Variants in TM4SF4 observed in about 807,000 individuals in gnomAD.
TM4SF4 encodes the protein transmembrane 4 L6 family member 4.
In TM4SF4, 24 loss-of-function variants were observed where a neutral mutation model predicts 24.1. The ratio of observed to expected loss-of-function variants is 1.00; its 90% CI spans 0.72 to 1.40. The LOEUF (loss-of-function observed/expected upper bound fraction) is 1.40, where lower values mean the gene tolerates loss of function less well. TM4SF4 is among the 40% of genes most tolerant of loss of function. TM4SF4 has a pLI of 0.00. For missense variants in TM4SF4, 254 were observed against 254.2 expected (o/e 1.00, Z 0.01); for synonymous variants, 113 against 97.0 (o/e 1.17, Z -0.97).
At chr3:149,478,202 A>G (rs1733969627) in intron 2 of TM4SF4, among the ~76,000 whole-genome samples, 1 of 152,210 alleles carries the variant, frequency 6.6e-6, no homozygotes, top group Admixed American at 6.5e-5. Context: ...CTGGAGCGCA[A>G]TGGCGCGATC....
intron 3 of TM4SF4, 125 bp downstream of exon 3, chr3:149,487,880 T>C: frequency 7.4e-7 from 1 of 1,344,044 alleles, no homozygotes; most frequent in South Asian, 1.5e-5. Context: ...TCGGTGCTCC[T>C]TTGAGGCAGA....
chr3:149,502,612 G>T, intron 4 of TM4SF4, 64 bp from the exon 5 acceptor site: 1 of 1,194,210 alleles, frequency 8.4e-7, no homozygotes, highest in Non-Finnish European at 1.3e-6. Context: ...ATGGGAAGGA[G>T]GGGAAAAGCA....
chr3:149,492,239 G>A (rs1267929356), intron 3 of TM4SF4, among the ~76,000 whole-genome samples: 1 of 152,148 alleles, frequency 6.6e-6, no homozygotes, highest in South Asian at 2.1e-4. Flanking sequence ...AATCAAGGTG[G>A]ACTCTGAGAT....
In TM4SF4 at chr3:149,502,727, T is replaced by C. The variant is rs368102936; in HGVS notation, c.*34T>C. On this transcript the variant is annotated 3_prime_UTR_variant, in exon 5 of 5. Transcript: ENST00000305354. ...GATGAGCTGCTCAGACTCTACAGCA[T>C]GACGACTACAATTTCTTTTCATAAA... The C allele has an allele frequency of 5.9e-6, 9 of 1,526,260 alleles. No homozygotes were observed. The highest frequency in any genetic ancestry group is 1.7e-5 in the Admixed American group (1 of 59,132). The allele number at this position is 1,526,260 out of a possible 1,614,324, so 94.5% of individuals were successfully genotyped here.
rs1298539349 is a variant in TM4SF4 at position 149,475,939 on chromosome 3, A to G, written c.264+27A>G. 1.9e-6 allele frequency: 3 copies of G among 1,585,312 alleles called. No homozygotes were observed. The Admixed American group carries it at 5.2e-5, about 28-fold the overall frequency. ...TGAGTTACCATGGGGGGCAGCTACT[A>G]GAATTACTCCAGGGTGCTCTGTGCT... is the stretch of plus-strand genomic sequence containing the variant. On this transcript the variant is annotated intron_variant, in intron 2 of 4. Transcript: ENST00000305354.
intron 3 of TM4SF4, among the ~76,000 whole-genome samples, chr3:149,491,770 A>G (rs1734214270): frequency 6.6e-6 from 1 of 152,128 alleles, no homozygotes; most frequent in African/African-American, 2.4e-5. Flanking sequence ...TTCTTCGAGA[A>G]GGTGACATGG....
intron 3 of TM4SF4, among the ~76,000 whole-genome samples, chr3:149,494,251 G>A (rs1333887593): frequency 3.9e-5 from 6 of 152,162 alleles, no homozygotes; most frequent in African/African-American, 1.4e-4. Flanking sequence ...GTGTGGCTAT[G>A]TGGTGGTTTG....
intron 4 of TM4SF4, among the ~76,000 whole-genome samples, chr3:149,500,935 G>A (rs1375871062): frequency 6.7e-6 from 1 of 150,278 alleles, no homozygotes; most frequent in East Asian, 2.0e-4. Context: ...TGAGCTGGGA[G>A]CATCAGCTGA....
rs940293176 is a variant in TM4SF4, at chr3:149,495,418, GT to G, written c.402-3303del. ...GATGTCTACAAAGTTGGTGGCATTG[GT>G]CCCTATGTGCTAAGTGGAAACTGGT... On this transcript the variant is annotated intron_variant, in intron 3 of 4. Coordinates refer to ENST00000305354, the MANE Select transcript of TM4SF4 (RefSeq NM_004617.4). The G allele has an allele frequency of 2.5e-5, 9 of 360,196 alleles. 1 individual carries two copies. The Admixed American group carries it at 2.9e-4, about 12-fold the overall frequency. The allele number at this position is 360,196 out of a possible 1,614,324, so 22.3% of individuals were successfully genotyped here.
chr3:149,474,896 GCCAGATGCCTGGGGGGGAC>G lies in TM4SF4; in HGVS notation c.22_40del (p.Arg8SerfsTer22). The stretch of plus-strand genomic sequence containing the variant: ...CCCCAGAATGTGCACTGGGGGCTGT[GCCAGATGCCTGGGGGGGAC>G]CCTCATTCCCCTTGCTTTTTTTGGC... On this transcript the variant is annotated frameshift_variant, in exon 1 of 5. Coordinates refer to ENST00000305354, the MANE Select transcript of TM4SF4 (RefSeq NM_004617.4). LOFTEE classifies it high-confidence loss of function. 6.2e-7 allele frequency: 1 copy of G among 1,613,832 alleles called. No individual in the cohort carries two copies. The highest frequency in any genetic ancestry group is 8.5e-7 in the Non-Finnish European group (1 of 1,179,838).
chr3:149,489,397 C>G (rs936967060), intron 3 of TM4SF4, among the ~76,000 whole-genome samples: 1 of 152,210 alleles, frequency 6.6e-6, no homozygotes, highest in African/African-American at 2.4e-5. Flanking sequence ...GTGAATAATA[C>G]TACCCTAGGA....
intron 2 of TM4SF4, among the ~76,000 whole-genome samples, chr3:149,476,380 ATG>A (rs974918955): frequency 2.0e-5 from 3 of 152,086 alleles, no homozygotes; most frequent in African/African-American, 7.2e-5. Flanking sequence ...CACCACTTCC[ATG>A]TTCTCTATTT....
chr3:149,474,908 G>C lies in TM4SF4; in HGVS notation c.31G>C (p.Gly11Arg). Residue 11 changes from glycine (G) to arginine (R), a missense_variant, in exon 1 of 5, where the codon GGG (glycine) becomes CGG (arginine). By Grantham distance (125) the Gly-to-Arg change is moderately radical. Coordinates refer to ENST00000305354, the MANE Select transcript of TM4SF4 (RefSeq NM_004617.4). MCTGGCARCLGGTLIPLAFFG... is the reference protein window; with the variant it reads MCTGGCARCLRGTLIPLAFFG... ...CACTGGGGGCTGTGCCAGATGCCTG[G>C]GGGGGACCCTCATTCCCCTTGCTTT... 6.2e-7 allele frequency: 1 copy of C among 1,613,812 alleles called. No homozygotes were observed. Among genetic ancestry groups the C allele is most frequent in the Non-Finnish European group, 8.5e-7 (1 of 1,179,802 alleles).
intron 2 of TM4SF4, among the ~76,000 whole-genome samples, chr3:149,485,213 G>T (rs4681177): frequency 0.29 from 44,234 of 152,074 alleles, 6,969 homozygotes; most frequent in Non-Finnish European, 0.36. Flanking sequence ...ACAAATTCAT[G>T]TTTCATAAGT....
At chr3:149,500,529 G>C (rs1734398495) in intron 4 of TM4SF4, among the ~76,000 whole-genome samples, 2 of 151,970 alleles carry the variant, frequency 1.3e-5, no homozygotes, top group Non-Finnish European at 1.5e-5. Context: ...ATACTAGAGA[G>C]GAAAAGCAAC....
chr3:149,475,071 A>T lies in TM4SF4; in HGVS notation c.174+20A>T, dbSNP rs1261038627. ...GTCTTGGTGAGTAGGGAAGCTTAAAATCCCCCTAAGGGAGATTTTCCCTTC... is the reference window on the plus strand; with the variant it reads ...GTCTTGGTGAGTAGGGAAGCTTAAATTCCCCCTAAGGGAGATTTTCCCTTC... On this transcript the variant is annotated intron_variant, in intron 1 of 4. Coordinates refer to ENST00000305354, the MANE Select transcript of TM4SF4 (RefSeq NM_004617.4). 6.2e-7 allele frequency: 1 copy of T among 1,605,684 alleles called. No homozygotes were observed. Among genetic ancestry groups the T allele is most frequent in the Non-Finnish European group, 8.5e-7 (1 of 1,178,188 alleles).
chr3:149,502,597 T>G (rs1347585464), intron 4 of TM4SF4, 79 bp from the exon 5 acceptor site: 1 of 926,710 alleles, frequency 1.1e-6, no homozygotes, highest in Non-Finnish European at 1.8e-6. Context: ...AGGCAGGTGA[T>G]GGGGATGGGA....
chr3:149,502,236 A>G lies in TM4SF4; in HGVS notation c.592-440A>G, dbSNP rs1734442056. Among the ~76,000 whole-genome samples the G allele has an allele frequency of 2.0e-5, 3 of 152,080 alleles. No homozygotes were observed. The South Asian group carries it at 6.2e-4, about 32-fold the overall frequency. On this transcript the variant is annotated intron_variant, in intron 4 of 4. Coordinates refer to ENST00000305354, the MANE Select transcript of TM4SF4 (RefSeq NM_004617.4). ...CTTGGTCTCTCAGCACCTCTTACCA[A>G]ATTATTTTTTTAAATAAATGATGCA...
At chr3:149,481,381 C>T (rs886965045) in intron 2 of TM4SF4, among the ~76,000 whole-genome samples, 3 of 151,986 alleles carry the variant, frequency 2.0e-5, no homozygotes, top group Non-Finnish European at 4.4e-5. Flanking sequence ...AGGAAACGGG[C>T]TTCCATATTT....
Sources: gnomAD v4.1 joint callset for allele counts (sites outside exome capture counted in the v4.1 genomes callset) on GRCh38, gnomAD v4.1.1 for gene constraint, MANE v1.5 for transcripts, NCBI Gene and HGNC (gene_info 2026-07-23, HGNC 2026-07-21) for gene names.